The following ZMAT3 variants were observed in gnomAD, a reference collection of about 807,000 sequenced individuals.
ZMAT3 encodes the protein zinc finger matrin-type protein 3.
A neutral mutation model predicts 32.3 loss-of-function variants in ZMAT3; 17 were observed. The ratio of observed to expected loss-of-function variants is 0.53; its 90% CI spans 0.36 to 0.79. The LOEUF is 0.79. Ranked by LOEUF, ZMAT3 falls within the 30% of genes least tolerant of loss-of-function variation. The pLI is 0.00. For synonymous variants in ZMAT3, 120 were observed against 133.1 expected (o/e 0.90, Z 0.68); for missense variants, 329 against 359.7 (o/e 0.91, Z 0.69).
chr3:179,041,652 C>T (rs1348496014), intron 2 of ZMAT3, among the ~76,000 whole-genome samples: 1 of 151,974 alleles, frequency 6.6e-6, no homozygotes, highest in East Asian at 1.9e-4. Context: ...AAATTGACAC[C>T]CTAACATTAC....
intron 2 of ZMAT3, among the ~76,000 whole-genome samples, chr3:179,040,848 C>G (rs1719879199): frequency 6.7e-6 from 1 of 149,302 alleles, no homozygotes; most frequent in African/African-American, 2.5e-5. Flanking sequence ...TGCAAAGACA[C>G]ACAGAGGCTC....
intron 1 of ZMAT3, among the ~76,000 whole-genome samples, chr3:179,070,955 A>T (rs1477561753): frequency 6.6e-6 from 1 of 152,230 alleles, no homozygotes; most frequent in Non-Finnish European, 1.5e-5. Context: ...ATAAAGGAAC[A>T]GGTTAGGAGC....
chr3:179,062,435 T>C (rs551127550), intron 2 of ZMAT3, among the ~76,000 whole-genome samples: 1 of 152,166 alleles, frequency 6.6e-6, no homozygotes, highest in East Asian at 1.9e-4. Context: ...GGTGATGAAA[T>C]CCAGAAAACA....
At chr3:179,053,807 G>A (rs1341085995) in intron 2 of ZMAT3, among the ~76,000 whole-genome samples, 8 of 152,112 alleles carry the variant, frequency 5.3e-5, no homozygotes, top group Admixed American at 2.0e-4. Context: ...AAAATGGCAA[G>A]ATGATAAAAA....
At chr3:179,032,212 C>T (rs946179639) in intron 2 of ZMAT3, among the ~76,000 whole-genome samples, 140 of 151,852 alleles carry the variant, frequency 9.2e-4, no homozygotes, top group African/African-American at 3.0e-3. Context: ...CCGTGTTGGC[C>T]GGGCTGGTCT....
At chr3:179,065,915 TA>T (rs1721393091) in intron 2 of ZMAT3, among the ~76,000 whole-genome samples, 1 of 151,946 alleles carries the variant, frequency 6.6e-6, no homozygotes, top group South Asian at 2.1e-4. Flanking sequence ...CAAAAAAAAA[TA>T]AATAAATAAA....
chr3:179,053,109 C>T (rs1720654820), intron 2 of ZMAT3, among the ~76,000 whole-genome samples: 1 of 151,506 alleles, frequency 6.6e-6, no homozygotes, highest in Non-Finnish European at 1.5e-5. Context: ...GCCTCGGTGA[C>T]AGAGCAAGAC....
chr3:179,062,270 C>G (rs570261183), intron 2 of ZMAT3, among the ~76,000 whole-genome samples: 66 of 151,852 alleles, frequency 4.3e-4, no homozygotes, highest in Admixed American at 7.9e-4. Flanking sequence ...GAAATAAAGA[C>G]CTGAAGAGAA....
chr3:179,045,505 T>C (rs2108562550), intron 2 of ZMAT3, among the ~76,000 whole-genome samples: 1 of 152,192 alleles, frequency 6.6e-6, no homozygotes, highest in South Asian at 2.1e-4. Context: ...CATAACAAAA[T>C]ACTGAATAAA....
At chr3:179,034,073 T>C (rs1719448139) in intron 2 of ZMAT3, among the ~76,000 whole-genome samples, 1 of 152,362 alleles carries the variant, frequency 6.6e-6, no homozygotes, top group East Asian at 1.9e-4. Flanking sequence ...GGGTCAATAG[T>C]ACAAAAGCAT....
chr3:179,027,547 G>C, intron 4 of ZMAT3, 24 bp from the exon 5 acceptor site: 1 of 1,614,070 alleles, frequency 6.2e-7, no homozygotes. Flanking sequence ...GTTTAAAAAA[G>C]AGTGAGTCTT....
Position 179,067,700 on chromosome 3 carries a change from G to C in ZMAT3, c.53C>G (p.Ser18Trp). Residue 18 changes from serine (S) to tryptophan (W), a missense_variant, in exon 2 of 6, where the codon TCG becomes TGG. Ser to Trp is a radical substitution (Grantham distance 177). Coordinates refer to ENST00000311417, the MANE Select transcript of ZMAT3 (RefSeq NM_022470.4). ...CCTGGTGGCCACTGACATAGGAGGC[G>C]AGGGTGAGGGCTGCTTAGGTGGAGG... ...VLPPPKQPSP[S>W]PPMSVATRST... 6.2e-7 allele frequency: 1 copy of C among 1,614,194 alleles called. No individual in the cohort carries two copies. Among genetic ancestry groups the C allele is most frequent in the Non-Finnish European group, 8.5e-7 (1 of 1,180,034 alleles).
At chr3:179,058,705 G>C (rs1157431579) in intron 2 of ZMAT3, among the ~76,000 whole-genome samples, 3 of 143,918 alleles carry the variant, frequency 2.1e-5, no homozygotes, top group Non-Finnish European at 4.5e-5. Flanking sequence ...GCAGTGAGCC[G>C]AGATCCCGCC....
At chr3:179,026,022 GCATC>G (rs1312690716) in intron 5 of ZMAT3, among the ~76,000 whole-genome samples, 2 of 152,030 alleles carry the variant, frequency 1.3e-5, no homozygotes, top group Non-Finnish European at 2.9e-5. Context: ...TGCTTTCACT[GCATC>G]CTACAAGTGT....
intron 2 of ZMAT3, among the ~76,000 whole-genome samples, chr3:179,050,485 AC>A (rs1314120406): frequency 2.0e-5 from 3 of 152,156 alleles, no homozygotes; most frequent in Non-Finnish European, 4.4e-5. Flanking sequence ...AAAGTTACCA[AC>A]AAAAAAAAAA....
intron 2 of ZMAT3, among the ~76,000 whole-genome samples, chr3:179,045,393 C>A (rs187132668): frequency 3.3e-5 from 5 of 152,078 alleles, no homozygotes; most frequent in African/African-American, 9.7e-5. Context: ...AAGTGACCAC[C>A]TACAGGACAA....
At position 179,036,930 on chromosome 3, in the gene ZMAT3, C is replaced by T. The variant is rs573671636; in HGVS notation, c.271-5931G>A. Among the ~76,000 whole-genome samples, 10 of 152,196 alleles carry T rather than the reference C, an allele frequency of 6.6e-5. No individual in the cohort carries two copies. In the South Asian group the frequency reaches 8.3e-4, roughly 13 times the overall value. On this transcript the variant is annotated intron_variant, in intron 2 of 5. Coordinates refer to ENST00000311417, the MANE Select transcript of ZMAT3 (RefSeq NM_022470.4). ...AAATGGTGCTTTTTCCAAGCCGACCCGTGAACCAATCAGCACGCACTCCCC... is the reference window on the plus strand; with the variant it reads ...AAATGGTGCTTTTTCCAAGCCGACCTGTGAACCAATCAGCACGCACTCCCC...
chr3:179,063,837 A>T (rs1437725880), intron 2 of ZMAT3, among the ~76,000 whole-genome samples: 1 of 152,264 alleles, frequency 6.6e-6, no homozygotes, highest in Non-Finnish European at 1.5e-5. Context: ...ATAATATTTG[A>T]TGGCTTCATT....
chr3:179,035,439 C>G (rs901516633), intron 2 of ZMAT3, among the ~76,000 whole-genome samples: 1 of 152,120 alleles, frequency 6.6e-6, no homozygotes, highest in Non-Finnish European at 1.5e-5. Context: ...ATGGATTGCT[C>G]CTTCTAATCT....
Sources: allele counts gnomAD v4.1 joint callset (sites outside exome capture counted in the v4.1 genomes callset), GRCh38; gene constraint gnomAD v4.1.1; transcripts MANE v1.5; gene names NCBI Gene and HGNC (gene_info 2026-07-23, HGNC 2026-07-21).